Variants in AURKA observed in about 807,000 individuals in gnomAD.
AURKA encodes aurora 2.
Under a neutral mutation model 40.9 loss-of-function variants are expected in AURKA, and 12 were observed. The observed-to-expected ratio is 0.29, with a 90% CI of 0.19 to 0.48. The LOEUF is 0.48. Among genes scored for constraint, AURKA ranks in the 20% least tolerant of loss-of-function variants. The pLI is 0.99. For synonymous variants in AURKA, 170 were observed against 164.3 expected (o/e 1.03, Z -0.26); for missense variants, 322 against 462.1 (o/e 0.70, Z 2.78).
chr20:56,372,156 G>A (rs891411289), intron 7 of AURKA, among the ~76,000 whole-genome samples: 4 of 152,058 alleles, frequency 2.6e-5, no homozygotes, highest in Admixed American at 6.5e-5. Context: ...GGAGGCTTAC[G>A]TGGTCACAGC....
chr20:56,390,952 T>C (rs780530089), intron 1 of AURKA, among the ~76,000 whole-genome samples: 2 of 152,288 alleles, frequency 1.3e-5, no homozygotes, highest in Non-Finnish European at 2.9e-5. Context: ...AGGCATTTGC[T>C]CCAATTTATT....
intron 6 of AURKA, among the ~76,000 whole-genome samples, chr20:56,380,131 T>G (rs980443821): frequency 3.3e-5 from 5 of 150,194 alleles, no homozygotes; most frequent in African/African-American, 1.2e-4. Context: ...CTGAGGTGGG[T>G]GGATCACAAG....
intron 5 of AURKA, among the ~76,000 whole-genome samples, chr20:56,381,946 G>A (rs967774781): frequency 1.4e-4 from 22 of 152,078 alleles, no homozygotes; most frequent in African/African-American, 4.8e-4. Flanking sequence ...CGGGAGGATC[G>A]CGAGGTCAGG....
intron 1 of AURKA, among the ~76,000 whole-genome samples, chr20:56,389,128 T>C (rs1986735815): frequency 6.6e-6 from 1 of 152,196 alleles, no homozygotes; most frequent in South Asian, 2.1e-4. Flanking sequence ...ATCTACCACC[T>C]AGTCGTCCTG....
At chr20:56,380,774 C>T (rs1161218067) in intron 6 of AURKA, among the ~76,000 whole-genome samples, 1 of 152,142 alleles carries the variant, frequency 6.6e-6, no homozygotes, top group Non-Finnish European at 1.5e-5. Flanking sequence ...CTCTGATCTC[C>T]CTCTCAAAAA....
intron 6 of AURKA, among the ~76,000 whole-genome samples, chr20:56,375,296 T>G (rs557281565): frequency 3.3e-5 from 5 of 151,584 alleles, no homozygotes; most frequent in Admixed American, 6.6e-5. Flanking sequence ...CCCAGCTAAT[T>G]TTTAATCTTT....
chr20:56,373,643 T>C lies in AURKA; in HGVS notation c.706-87A>G, dbSNP rs1984557975. ...CATCTCTTCCGAAAGGAACACAACATAGATTTAACATGGTTTGCAGGTTTT... is the reference window on the plus strand; with the variant it reads ...CATCTCTTCCGAAAGGAACACAACACAGATTTAACATGGTTTGCAGGTTTT... On this transcript the variant is annotated intron_variant, in intron 6 of 8. Transcript: ENST00000395915. The surrounding 1 kb of genome is among the most constrained non-coding windows in gnomAD (Gnocchi z 5.0). The C allele has an allele frequency of 6.7e-7, 1 of 1,493,932 alleles. No individual in the cohort carries two copies. The highest frequency in any genetic ancestry group is 9.2e-7 in the Non-Finnish European group (1 of 1,081,946). 92.5% of individuals were successfully genotyped at this position (1,493,932 alleles called of 1,614,324 possible).
At chr20:56,387,322 T>G (rs1986491793) in intron 2 of AURKA, among the ~76,000 whole-genome samples, 1 of 152,132 alleles carries the variant, frequency 6.6e-6, no homozygotes, top group Admixed American at 6.5e-5. Flanking sequence ...CTGGCTAATT[T>G]TTTGTATTTT....
chr20:56,388,464 T>C (rs1337700394), intron 1 of AURKA: 13 of 538,828 alleles, frequency 2.4e-5, no homozygotes, highest in Non-Finnish European at 3.3e-5. Flanking sequence ...ATCTCTCCTC[T>C]AATGGATCAC....
chr20:56,388,312 C>A (rs976776668), intron 1 of AURKA, 110 bp from the exon 2 acceptor site: 1 of 947,768 alleles, frequency 1.1e-6, no homozygotes, highest in South Asian at 1.3e-5. Context: ...CACAACACAC[C>A]GGATTTTACA....
Position 56,386,530 on chromosome 20 carries a change from T to C in AURKA, c.46A>G (p.Thr16Ala). 3 of 1,614,208 alleles carry C rather than the reference T, an allele frequency of 1.9e-6. No individual in the cohort carries two copies. The highest frequency in any genetic ancestry group is 1.7e-6 in the Non-Finnish European group (2 of 1,180,038). Residue 16 changes from threonine (T) to alanine (A), a missense_variant, in exon 3 of 9, where the codon ACA becomes GCA. Transcript: ENST00000395915. ...ENCISGPVKA[T>A]APVGGPKRVL... ...CGTTTTGGACCTCCAACTGGAGCTG[T>C]AGCCTAGAATGGAAGAGAAAATAAA...
intron 8 of AURKA, 26 bp from the exon 9 acceptor site, chr20:56,370,366 T>C (rs1289259439): frequency 6.8e-6 from 11 of 1,613,960 alleles, no homozygotes; most frequent in Admixed American, 1.7e-5. Context: ...TGATAAAATA[T>C]CACAAAACAC....
At chr20:56,386,619 G>T in intron 2 of AURKA, 86 bp from the exon 3 acceptor site, 2 of 1,472,322 alleles carry the variant, frequency 1.4e-6, no homozygotes. Flanking sequence ...TTGTTCTCTA[G>T]TATAGCAAAA....
chr20:56,371,427 C>G (rs1261179893), intron 7 of AURKA, among the ~76,000 whole-genome samples: 2 of 151,206 alleles, frequency 1.3e-5, no homozygotes, highest in African/African-American at 2.4e-5. Context: ...CACCACTGCA[C>G]TCCAGCCTGG....
chr20:56,371,460 CAA>C (rs71730570), intron 7 of AURKA, among the ~76,000 whole-genome samples: 1 of 132,804 alleles, frequency 7.5e-6, no homozygotes, highest in Non-Finnish European at 1.6e-5. Context: ...GACTCTGTCT[CAA>C]AAAAAAAAAA....
intron 3 of AURKA, 25 bp downstream of exon 3, chr20:56,386,232 C>A (rs1986341157): frequency 6.2e-7 from 1 of 1,614,020 alleles, no homozygotes; most frequent in Non-Finnish European, 8.5e-7. Context: ...AAGGACTATC[C>A]AATGAGTCTC....
At chr20:56,387,625 T>A (rs1033650087) in intron 2 of AURKA, among the ~76,000 whole-genome samples, 4 of 152,136 alleles carry the variant, frequency 2.6e-5, no homozygotes, top group African/African-American at 4.8e-5. Context: ...AGCCTCAAAG[T>A]CCATCCCCAG....
chr20:56,388,386 T>G (rs1173526893), intron 1 of AURKA, 184 bp from the exon 2 acceptor site: 1 of 631,868 alleles, frequency 1.6e-6, no homozygotes. Flanking sequence ...AAGGCCAACC[T>G]CCCCTTGGGC....
At chr20:56,374,752 A>C (rs1314709768) in intron 6 of AURKA, among the ~76,000 whole-genome samples, 1 of 152,158 alleles carries the variant, frequency 6.6e-6, no homozygotes, top group African/African-American at 2.4e-5. Context: ...CCATCTTGTA[A>C]GAAAAGTTTT....
Sources: gnomAD v4.1 joint callset for allele counts (sites outside exome capture counted in the v4.1 genomes callset) on GRCh38, gnomAD v4.1.1 for gene constraint, Gnocchi (gnomAD v3.1) non-coding constraint, MANE v1.5 for transcripts, NCBI Gene and HGNC (gene_info 2026-07-23, HGNC 2026-07-21) for gene names.